Variants in SEMA5A observed in about 807,000 individuals in gnomAD.
The protein encoded by SEMA5A is semaphorin-5A.
Under a neutral mutation model 135.5 loss-of-function variants are expected in SEMA5A, and 55 were observed. The ratio of observed to expected loss-of-function variants is 0.41; its 90% CI spans 0.33 to 0.51. The LOEUF (loss-of-function observed/expected upper bound fraction) is 0.51, where lower values mean the gene tolerates loss of function less well. Among genes scored for constraint, SEMA5A ranks in the 20% least tolerant of loss-of-function variants. SEMA5A has a pLI of 0.37. For synonymous variants in SEMA5A, 580 were observed against 546.5 expected (o/e 1.06, Z -0.85); for missense variants, 1,290 against 1,419.9 (o/e 0.91, Z 1.47).
intron 2 of SEMA5A, among the ~76,000 whole-genome samples, chr5:9,412,239 GGGTT>G (rs1757125534): frequency 6.6e-6 from 1 of 151,784 alleles, no homozygotes; most frequent in East Asian, 2.0e-4. Context: ...GTCTTATCAT[GGGTT>G]ACAGAATACC....
intron 1 of SEMA5A, among the ~76,000 whole-genome samples, chr5:9,508,548 G>T (rs983208704): frequency 2.0e-5 from 3 of 152,184 alleles, no homozygotes; most frequent in African/African-American, 7.2e-5. Flanking sequence ...TTTGGCTGCT[G>T]CAAACTTTCT....
chr5:9,324,667 T>A (rs1451967781), intron 4 of SEMA5A, among the ~76,000 whole-genome samples: 2 of 152,110 alleles, frequency 1.3e-5, no homozygotes, highest in East Asian at 1.9e-4. Flanking sequence ...CTAAAGGGGA[T>A]AAAAAATTGA....
At chr5:9,310,210 G>A (rs559891816) in intron 5 of SEMA5A, among the ~76,000 whole-genome samples, 23 of 152,100 alleles carry the variant, frequency 1.5e-4, no homozygotes, top group African/African-American at 4.6e-4. Flanking sequence ...GTGGCTACTG[G>A]TCAAGTTAGC....
chr5:9,311,634 C>T (rs1279602111), intron 5 of SEMA5A, among the ~76,000 whole-genome samples: 3 of 151,194 alleles, frequency 2.0e-5, no homozygotes, highest in African/African-American at 7.3e-5. Context: ...AGGAGATATA[C>T]CTAAAGCTAA....
chr5:9,047,253 A>T (rs1481893242), intron 21 of SEMA5A, among the ~76,000 whole-genome samples: 1 of 152,214 alleles, frequency 6.6e-6, no homozygotes, highest in African/African-American at 2.4e-5. Flanking sequence ...CATAGGGAAG[A>T]TGCATGATAG....
In SEMA5A at chr5:9,051,837, G is replaced by A. The variant is rs368210715; in HGVS notation, c.2845+36C>T. The A allele has an allele frequency of 2.1e-5, 34 of 1,612,754 alleles. No homozygotes were observed. The African/African-American group carries it at 3.5e-4, about 16-fold the overall frequency. ...CATTTTCTCTCTCCATGTTGGAAAT[G>A]ATTTTATTCTTACTGATAAATACCT... On this transcript the variant is annotated intron_variant, in intron 20 of 22. Transcript: ENST00000382496.
intron 16 of SEMA5A, among the ~76,000 whole-genome samples, chr5:9,080,852 T>C (rs559925595): frequency 2.9e-4 from 44 of 152,278 alleles, no homozygotes; most frequent in African/African-American, 9.6e-4. Context: ...CTCACACACC[T>C]ATGGTGGGGA....
chr5:9,289,042 C>T (rs1293138994), intron 5 of SEMA5A, among the ~76,000 whole-genome samples: 3 of 152,158 alleles, frequency 2.0e-5, no homozygotes, highest in Non-Finnish European at 2.9e-5. Context: ...GTGTTGCTCA[C>T]GAAACATGTT....
At chr5:9,520,278 T>C (rs6859610) in intron 1 of SEMA5A, among the ~76,000 whole-genome samples, 147,285 of 152,306 alleles carry the variant, frequency 0.97, 71,405 homozygotes, top group Non-Finnish European at 0.99. Context: ...GCAAAGGCTC[T>C]GCCTCGTGGG....
chr5:9,047,038 CAGAT>C (rs147838028), intron 21 of SEMA5A, among the ~76,000 whole-genome samples: 2,502 of 152,282 alleles, frequency 0.016, 85 homozygotes, highest in African/African-American at 0.056. Context: ...CTGGGACAGA[CAGAT>C]AAAGTATCCA....
chr5:9,439,890 A>C (rs1332302276), intron 1 of SEMA5A, among the ~76,000 whole-genome samples: 2 of 152,240 alleles, frequency 1.3e-5, no homozygotes, highest in Non-Finnish European at 2.9e-5. Context: ...TTGATGTCTA[A>C]ACAGGAAATC....
In SEMA5A at chr5:9,204,667, C is replaced by T. The variant is rs1224907896; in HGVS notation, c.647-2427G>A. On this transcript the variant is annotated intron_variant, in intron 8 of 22. Coordinates refer to ENST00000382496, the MANE Select transcript of SEMA5A (RefSeq NM_003966.3). The surrounding 1 kb of genome is among the most constrained non-coding windows in gnomAD (Gnocchi z 6.4). ...AGATTTAATAACTTGTCCAAATTCA[C>T]ATAACTAGCAGTGGGGGATGGGGAT... Among the ~76,000 whole-genome samples the T allele has an allele frequency of 6.6e-6, 1 of 152,138 alleles. No individual in the cohort carries two copies. The highest frequency in any genetic ancestry group is 1.5e-5 in the Non-Finnish European group (1 of 68,034).
At chr5:9,398,282 T>G (rs1429013968) in intron 2 of SEMA5A, among the ~76,000 whole-genome samples, 1 of 152,212 alleles carries the variant, frequency 6.6e-6, no homozygotes, top group Non-Finnish European at 1.5e-5. Flanking sequence ...TCAAATTAAG[T>G]GCACTGGTGG....
chr5:9,316,583 C>T (rs557060566), intron 5 of SEMA5A, among the ~76,000 whole-genome samples: 3 of 151,990 alleles, frequency 2.0e-5, no homozygotes, highest in Admixed American at 6.6e-5. Flanking sequence ...ATCTACTAAA[C>T]GATATATATT....
At chr5:9,046,980 C>CCTTTCTTGACTCTGTCT (rs1736295703) in intron 21 of SEMA5A, among the ~76,000 whole-genome samples, 1 of 152,202 alleles carries the variant, frequency 6.6e-6, no homozygotes, top group Non-Finnish European at 1.5e-5. Flanking sequence ...GCATCTTTGG[C>CCTTTCTTGACTCTGTCT]CTTTCTTGAC....
At chr5:9,112,190 A>T (rs1352359465) in intron 15 of SEMA5A, among the ~76,000 whole-genome samples, 1 of 152,218 alleles carries the variant, frequency 6.6e-6, no homozygotes, top group African/African-American at 2.4e-5. Flanking sequence ...TTTGTATTTA[A>T]AAGTCAATTA....
At position 9,040,792 on chromosome 5, in the gene SEMA5A, A is replaced by G. The variant is rs566445655; in HGVS notation, c.*2105T>C. On this transcript the variant is annotated 3_prime_UTR_variant, in exon 23 of 23. Transcript: ENST00000382496. ...AGTGAAACATTCTTGAAATATTAGA[A>G]TCCTCTTTACCAGGGAAAATAAAAT... 4 of 152,342 alleles carry G rather than the reference A, an allele frequency of 2.6e-5. No homozygotes were observed. The highest frequency in any genetic ancestry group is 4.4e-5 in the Non-Finnish European group (3 of 68,026). 9.4% of individuals were successfully genotyped at this position (152,342 alleles called of 1,614,324 possible).
At chr5:9,376,564 G>A (rs538921531) in intron 3 of SEMA5A, among the ~76,000 whole-genome samples, 8 of 152,194 alleles carry the variant, frequency 5.3e-5, no homozygotes, top group African/African-American at 1.4e-4. Flanking sequence ...AGAATATTAC[G>A]CAATGGCCCT....
At chr5:9,379,694 T>G (rs903826413) in intron 3 of SEMA5A, 129 bp downstream of exon 3, 1 of 1,179,150 alleles carries the variant, frequency 8.5e-7, no homozygotes, top group Non-Finnish European at 1.2e-6. Context: ...TTACCTTTAT[T>G]TTAAACTGTG....
Sources: gnomAD v4.1 joint callset for allele counts (sites outside exome capture counted in the v4.1 genomes callset) on GRCh38, gnomAD v4.1.1 for gene constraint, Gnocchi (gnomAD v3.1) non-coding constraint, MANE v1.5 for transcripts, NCBI Gene and HGNC (gene_info 2026-07-23, HGNC 2026-07-21) for gene names.